Variants in PCCA observed in about 807,000 individuals in gnomAD.
PCCA encodes the protein propionyl-CoA carboxylase subunit alpha.
A neutral mutation model predicts 101.3 loss-of-function variants in PCCA; 74 were observed. The ratio of observed to expected loss-of-function variants is 0.73; its 90% CI spans 0.61 to 0.89. PCCA has a LOEUF of 0.89. PCCA is among the 40% of genes least tolerant of loss of function. The pLI, the probability that PCCA is intolerant of heterozygous loss-of-function variation, is 0.00. For missense variants in PCCA, 891 were observed against 907.0 expected, an observed-to-expected ratio of 0.98 and a Z score of 0.23; for synonymous variants, 294 against 313.6, an observed-to-expected ratio of 0.94 and a Z score of 0.66.
intron 16 of PCCA, among the ~76,000 whole-genome samples, chr13:100,326,226 G>C (rs113131473): frequency 6.6e-6 from 1 of 152,264 alleles, no homozygotes; most frequent in African/African-American, 2.4e-5. Flanking sequence ...AAGGTGGAGT[G>C]GGGGTTGAAG....
chr13:100,422,659 C>G (rs2078905890), intron 19 of PCCA, among the ~76,000 whole-genome samples: 2 of 152,100 alleles, frequency 1.3e-5, no homozygotes, highest in African/African-American at 2.4e-5. Context: ...TTAGTCTTAT[C>G]TATTTCATTT....
chr13:100,317,025 G>A (rs958533022), intron 16 of PCCA, among the ~76,000 whole-genome samples: 3 of 151,954 alleles, frequency 2.0e-5, no homozygotes, highest in East Asian at 1.9e-4. Context: ...CGCCTGCCTC[G>A]GCCTCCCAAA....
At chr13:100,224,445 G>C (rs1262349252) in intron 7 of PCCA, among the ~76,000 whole-genome samples, 3 of 152,346 alleles carry the variant, frequency 2.0e-5, no homozygotes, top group Middle Eastern at 6.8e-3. Context: ...CCACACCTCC[G>C]TGGAAGCTGA....
At chr13:100,277,575 C>A (rs557096677) in intron 12 of PCCA, among the ~76,000 whole-genome samples, 68 of 152,230 alleles carry the variant, frequency 4.5e-4, no homozygotes, top group African/African-American at 1.6e-3. Flanking sequence ...AAGTTTGTGT[C>A]CTGACTCTCA....
chr13:100,301,170 G>C (rs1406682826), intron 12 of PCCA, among the ~76,000 whole-genome samples: 1 of 152,136 alleles, frequency 6.6e-6, no homozygotes, highest in Non-Finnish European at 1.5e-5. Flanking sequence ...TTAAGAATTA[G>C]TTTCAAAATT....
At chr13:100,310,963 C>A (rs937812009) in intron 16 of PCCA, among the ~76,000 whole-genome samples, 1 of 152,072 alleles carries the variant, frequency 6.6e-6, no homozygotes, top group African/African-American at 2.4e-5. Flanking sequence ...TGGCCAAGCA[C>A]GGTGGCTCAC....
intron 4 of PCCA, chr13:100,150,974 C>T (rs1566584782): frequency 2.0e-6 from 3 of 1,516,724 alleles, no homozygotes; most frequent in South Asian, 1.1e-5. Context: ...CTGGGTGGGG[C>T]GGAGAGCCCT....
chr13:100,111,043 C>T (rs961439060), intron 2 of PCCA, among the ~76,000 whole-genome samples: 2 of 151,544 alleles, frequency 1.3e-5, no homozygotes, highest in Non-Finnish European at 1.5e-5. Flanking sequence ...GATGGAGACT[C>T]GCTTTGTCAC....
At chr13:100,433,428 G>T (rs2079697519) in intron 20 of PCCA, among the ~76,000 whole-genome samples, 1 of 151,886 alleles carries the variant, frequency 6.6e-6, no homozygotes, top group Admixed American at 6.6e-5. Flanking sequence ...TTCCTATATT[G>T]GTATTACTCT....
chr13:100,193,286 A>C (rs1427986038), intron 6 of PCCA, among the ~76,000 whole-genome samples: 3 of 152,178 alleles, frequency 2.0e-5, no homozygotes, highest in Non-Finnish European at 4.4e-5. Context: ...TTTTACTGAC[A>C]TGTTAAGTAG....
intron 21 of PCCA, among the ~76,000 whole-genome samples, chr13:100,478,619 AT>A (rs2083620543): frequency 6.6e-6 from 1 of 152,110 alleles, no homozygotes; most frequent in Admixed American, 6.5e-5. Flanking sequence ...TGAGGAGGAA[AT>A]TGCCTGGTCA....
rs143999824 is a variant in PCCA, at chr13:100,130,986, A to G, written c.300+18925A>G. Among the ~76,000 whole-genome samples the G allele has an allele frequency of 3.3e-5, 5 of 152,336 alleles. No homozygotes were observed. The East Asian group carries it at 5.8e-4, about 18-fold the overall frequency. On this transcript the variant is annotated intron_variant, in intron 4 of 23. Transcript: ENST00000376285. ...TCAATTGTGGTAAAGTATACATAAC[A>G]TAAAAGTTTACCATTTTAACCATTT...
intron 9 of PCCA, among the ~76,000 whole-genome samples, chr13:100,260,868 C>G (rs1196820370): frequency 6.7e-6 from 1 of 150,020 alleles, no homozygotes; most frequent in African/African-American, 2.5e-5. Flanking sequence ...CTAGAAGCAG[C>G]TTTTGAGATG....
chr13:100,453,489 AAG>A (rs71773022), intron 21 of PCCA, among the ~76,000 whole-genome samples: 32,296 of 140,604 alleles, frequency 0.23, 3,470 homozygotes, highest in African/African-American at 0.25. Flanking sequence ...AAAAAAAAAA[AAG>A]AAGAAGAAGA....
intron 6 of PCCA, among the ~76,000 whole-genome samples, chr13:100,204,240 C>G (rs1028147238): frequency 1.3e-5 from 2 of 152,120 alleles, no homozygotes; most frequent in Non-Finnish European, 2.9e-5. Flanking sequence ...AGCAATCCTC[C>G]TACCTCAGCT....
chr13:100,358,122 CTG>C (rs909714848), intron 18 of PCCA, among the ~76,000 whole-genome samples: 2 of 152,218 alleles, frequency 1.3e-5, no homozygotes, highest in African/African-American at 4.8e-5. Flanking sequence ...GGAGAAAAGA[CTG>C]TTTCTGGAAT....
chr13:100,353,751 G>A (rs1407378966), intron 18 of PCCA, among the ~76,000 whole-genome samples: 2 of 152,042 alleles, frequency 1.3e-5, no homozygotes, highest in Non-Finnish European at 2.9e-5. Context: ...CCACTAGTTC[G>A]AGACCAGCCT....
At chr13:100,488,620 GTTTTT>G (rs1370836335) in intron 21 of PCCA, among the ~76,000 whole-genome samples, 30 of 121,708 alleles carry the variant, frequency 2.5e-4, no homozygotes, top group African/African-American at 7.7e-4. Context: ...TACAAGTTTT[GTTTTT>G]TTGTTTTGTT....
chr13:100,450,998 G>T (rs1476298351), intron 21 of PCCA, among the ~76,000 whole-genome samples: 2 of 152,222 alleles, frequency 1.3e-5, no homozygotes, highest in African/African-American at 4.8e-5. Context: ...TCAAGCAATT[G>T]TGGAGGCTTG....
Sources: allele counts gnomAD v4.1 joint callset (sites outside exome capture counted in the v4.1 genomes callset), GRCh38; gene constraint gnomAD v4.1.1; transcripts MANE v1.5; gene names NCBI Gene and HGNC (gene_info 2026-07-23, HGNC 2026-07-21).